The following CLVS1 variants were observed in gnomAD, a reference collection of about 807,000 sequenced individuals.
CLVS1 encodes clavesin 1, also known as clavesin-1.
Under a neutral mutation model 33.1 loss-of-function variants are expected in CLVS1, and 10 were observed. The ratio of observed to expected loss-of-function variants is 0.30; its 90% CI spans 0.19 to 0.51. CLVS1 has a LOEUF of 0.51. Ranked by LOEUF, CLVS1 falls within the 20% of genes least tolerant of loss-of-function variation. The pLI is 0.97. For missense variants in CLVS1, 343 were observed against 433.4 expected (o/e 0.79, Z 1.85); for synonymous variants, 163 against 166.1 (o/e 0.98, Z 0.14).
the CLVS1 span, among the ~76,000 whole-genome samples, chr8:61,037,795 G>A: frequency 6.6e-6 from 1 of 152,202 alleles, no homozygotes; most frequent in Non-Finnish European, 1.5e-5. Flanking sequence ...AGTCACCAGG[G>A]AGGCAAATAG....
intron 2 of CLVS1, among the ~76,000 whole-genome samples, chr8:61,354,094 T>C (rs1462609687): frequency 6.6e-6 from 1 of 152,028 alleles, no homozygotes; most frequent in African/African-American, 2.4e-5. Context: ...AATTCATAAA[T>C]TTAAAACTCT....
chr8:61,041,670 C>T, the CLVS1 span, among the ~76,000 whole-genome samples: 8 of 152,144 alleles, frequency 5.3e-5, no homozygotes, highest in South Asian at 6.2e-4. Context: ...GTGCTCGCTT[C>T]GGCAGCACAT....
the CLVS1 span, among the ~76,000 whole-genome samples, chr8:60,980,791 A>G: frequency 7.0e-6 from 1 of 143,398 alleles, no homozygotes. Context: ...ATCTCAAAAA[A>G]AGAAAAAGAG....
chr8:61,365,110 G>T (rs542543174), intron 2 of CLVS1, among the ~76,000 whole-genome samples: 79 of 152,222 alleles, frequency 5.2e-4, no homozygotes, highest in African/African-American at 1.9e-3. Flanking sequence ...CTTTTAAAAA[G>T]CCTCATCATA....
At chr8:61,024,820 ATTTTTCTTTCTG>A in the CLVS1 span, among the ~76,000 whole-genome samples, 1 of 149,686 alleles carries the variant, frequency 6.7e-6, no homozygotes, top group East Asian at 2.0e-4. Flanking sequence ...TTGTTAATGC[ATTTTTCTTTCTG>A]TTTTTCTTTT....
Position 61,402,503 on chromosome 8 carries a change from T to G in CLVS1, c.630+25724T>G, listed in dbSNP as rs545742215. Among the ~76,000 whole-genome samples the G allele has an allele frequency of 1.5e-4, 23 of 152,180 alleles. 1 individual carries two copies. The highest frequency in any genetic ancestry group is 5.3e-4 in the African/African-American group (22 of 41,504). On this transcript the variant is annotated intron_variant, in intron 3 of 5. Coordinates refer to ENST00000325897, the MANE Select transcript of CLVS1 (RefSeq NM_173519.3). ...AACAAGTGAGAGCTGTGGCCCGAGA[T>G]CACAATAAACCAAGTTTCACCAACC...
chr8:61,336,359 T>C (rs1273733200), intron 2 of CLVS1, among the ~76,000 whole-genome samples: 1 of 152,238 alleles, frequency 6.6e-6, no homozygotes, highest in Non-Finnish European at 1.5e-5. Flanking sequence ...AAATGTCTTC[T>C]TCCAAATATA....
chr8:60,980,817 A>ATG, the CLVS1 span, among the ~76,000 whole-genome samples: 1 of 152,176 alleles, frequency 6.6e-6, no homozygotes, highest in Non-Finnish European at 1.5e-5. Context: ...GTCTTTGCAG[A>ATG]TGTGATTAAA....
At chr8:61,276,362 T>C (rs1184410670) in intron 2 of CLVS1, among the ~76,000 whole-genome samples, 1 of 152,226 alleles carries the variant, frequency 6.6e-6, no homozygotes, top group African/African-American at 2.4e-5. Context: ...CTTGTTCTGG[T>C]TTTTCTCTTC....
chr8:61,304,987 G>T (rs188149318), intron 2 of CLVS1, among the ~76,000 whole-genome samples: 1 of 152,214 alleles, frequency 6.6e-6, no homozygotes, highest in Non-Finnish European at 1.5e-5. Context: ...TCTGAACCCC[G>T]ATGGCCAGCT....
chr8:61,283,542 A>T (rs1282496024), upstream of CLVS1, among the ~76,000 whole-genome samples: 1 of 152,194 alleles, frequency 6.6e-6, no homozygotes, highest in African/African-American at 2.4e-5. Context: ...GAGTAGAATG[A>T]TGTACACCAC....
At chr8:61,294,741 G>T (rs552653174) in intron 1 of CLVS1, among the ~76,000 whole-genome samples, 1 of 134,570 alleles carries the variant, frequency 7.4e-6, no homozygotes, top group South Asian at 3.2e-4. Flanking sequence ...CTGATATATT[G>T]TATGTGTTTC....
At chr8:61,066,987 A>G (rs1804694609) in intron 1 of CLVS1, among the ~76,000 whole-genome samples, 1 of 152,104 alleles carries the variant, frequency 6.6e-6, no homozygotes, top group Non-Finnish European at 1.5e-5. Context: ...CACACTGAGC[A>G]CGTGCTGTGT....
At chr8:61,452,187 C>G (rs1312987331) in intron 3 of CLVS1, among the ~76,000 whole-genome samples, 2 of 152,112 alleles carry the variant, frequency 1.3e-5, no homozygotes, top group Admixed American at 6.5e-5. Flanking sequence ...TTTTTGATGT[C>G]TTTGATGATT....
chr8:61,004,933 T>A, the CLVS1 span, among the ~76,000 whole-genome samples: 1 of 150,732 alleles, frequency 6.6e-6, no homozygotes, highest in Non-Finnish European at 1.5e-5. Context: ...TGTTTGTTTG[T>A]TTTTTGTTTA....
At chr8:61,064,906 T>G (rs916841054) in intron 1 of CLVS1, among the ~76,000 whole-genome samples, 3 of 152,224 alleles carry the variant, frequency 2.0e-5, no homozygotes, top group Non-Finnish European at 2.9e-5. Flanking sequence ...TTTCACCAAG[T>G]TGGCCAGGCT....
At chr8:61,139,711 G>A (rs1283766273) in intron 2 of CLVS1, among the ~76,000 whole-genome samples, 11 of 152,156 alleles carry the variant, frequency 7.2e-5, no homozygotes, top group Non-Finnish European at 1.6e-4. Flanking sequence ...CTTCCCCTCG[G>A]TGGTCGGGGT....
the CLVS1 span, among the ~76,000 whole-genome samples, chr8:61,034,729 T>G: frequency 6.6e-6 from 1 of 152,238 alleles, no homozygotes; most frequent in Non-Finnish European, 1.5e-5. Flanking sequence ...AGTGAGATTT[T>G]ATTTTACTTG....
chr8:61,455,758 C>T (rs1380455449), intron 4 of CLVS1, among the ~76,000 whole-genome samples: 2 of 152,102 alleles, frequency 1.3e-5, no homozygotes, highest in Non-Finnish European at 2.9e-5. Flanking sequence ...ACCCAGGGTG[C>T]CTGACACTAG....
Sources: allele counts gnomAD v4.1 joint callset (sites outside exome capture counted in the v4.1 genomes callset), GRCh38; gene constraint gnomAD v4.1.1; transcripts MANE v1.5; gene names NCBI Gene and HGNC (gene_info 2026-07-23, HGNC 2026-07-21).